The following LAMB3 variants were observed in gnomAD, a reference collection of about 807,000 sequenced individuals.
LAMB3 encodes the protein laminin subunit beta-3.
In LAMB3, 104 loss-of-function variants were observed where a neutral mutation model predicts 140.3. That is an observed-to-expected ratio of 0.74 (90% CI 0.63 to 0.87). The LOEUF is 0.87. Among genes scored for constraint, LAMB3 ranks in the 40% least tolerant of loss-of-function variants. The pLI is 0.00. For missense variants in LAMB3, 1,531 were observed against 1,575.2 expected (o/e 0.97, Z 0.47); for synonymous variants, 592 against 602.9 (o/e 0.98, Z 0.26).
Position 209,625,767 on chromosome 1 carries a change from G to C in LAMB3, c.1857C>G (p.Gly619=). The stretch of plus-strand genomic sequence containing the variant: ...TTGCATCTAGGATCCGGGAGGCCAG[G>C]CCACGGTCCTCCAGCCCAGGCCCTG... ...LWSGPGLEDR[G]LASRILDAKS... Residue 619 remains glycine, a synonymous_variant, in exon 14 of 23, where the codon GGC becomes GGG. Coordinates refer to ENST00000356082, the MANE Select transcript of LAMB3 (RefSeq NM_000228.3). 1.2e-6 allele frequency: 2 copies of C among 1,614,156 alleles called. No homozygotes were observed. Among genetic ancestry groups the C allele is most frequent in the Non-Finnish European group, 1.7e-6 (2 of 1,180,042 alleles).
At position 209,622,996 on chromosome 1, in the gene LAMB3, G is replaced by A. The variant is rs59260335; in HGVS notation, c.2542C>T (p.Arg848Trp). ...QLRGFNAQLQ[R>W]TRQMIRAAEE... Reference sequence around the variant, plus strand: ...GCTGCACTTACCATCTGCCTGGTCCGCTGGAGCTGGGCATTGAAGCCCCGC... The same window carrying A: ...GCTGCACTTACCATCTGCCTGGTCCACTGGAGCTGGGCATTGAAGCCCCGC... Residue 848 changes from arginine (R) to tryptophan (W), a missense_variant, in exon 17 of 23, where the codon CGG becomes TGG. Arg to Trp is a moderately radical substitution (Grantham distance 101). Coordinates refer to ENST00000356082, the MANE Select transcript of LAMB3 (RefSeq NM_000228.3). 2.2e-3 allele frequency: 3,469 copies of A among 1,613,282 alleles called. 63 individuals carry two copies. The African/African-American group carries it at 0.039, about 18-fold the overall frequency.
chr1:209,647,082 G>A (rs748544579), intron 3 of LAMB3, among the ~76,000 whole-genome samples: 8 of 152,380 alleles, frequency 5.3e-5, no homozygotes, highest in Non-Finnish European at 8.8e-5. Flanking sequence ...GGTCATCAAA[G>A]CAGATGAGCC....
At chr1:209,630,374 G>C (rs1666634589) in intron 9 of LAMB3, among the ~76,000 whole-genome samples, 1 of 152,162 alleles carries the variant, frequency 6.6e-6, no homozygotes, top group East Asian at 1.9e-4. Context: ...TCCTAAACAG[G>C]GTAAAGCAAC....
intron 19 of LAMB3, 152 bp downstream of exon 19, chr1:209,618,300 C>A (rs1404718536): frequency 3.3e-6 from 3 of 908,116 alleles, no homozygotes; most frequent in Non-Finnish European, 5.2e-6. Context: ...TTAAGTTTAA[C>A]CTGCACTCTG....
intron 3 of LAMB3, among the ~76,000 whole-genome samples, chr1:209,645,519 C>A (rs2076508905): frequency 6.6e-6 from 1 of 152,060 alleles, no homozygotes; most frequent in African/African-American, 2.4e-5. Flanking sequence ...AGTTCGAGAC[C>A]AGCCTGGCCA....
intron 9 of LAMB3, 175 bp downstream of exon 9, chr1:209,630,440 A>G (rs1261838680): frequency 1.3e-6 from 1 of 753,652 alleles, no homozygotes; most frequent in Non-Finnish European, 2.2e-6. Flanking sequence ...ATGTCACCCA[A>G]ATACTCTCTC....
At chr1:209,615,495 G>A in intron 22 of LAMB3, 88 bp from the exon 23 acceptor site, 2 of 1,452,156 alleles carry the variant, frequency 1.4e-6, no homozygotes, top group East Asian at 4.7e-5. Context: ...CTGCTAACTG[G>A]AGGTAGCATG....
intron 3 of LAMB3, among the ~76,000 whole-genome samples, chr1:209,646,258 C>T (rs2076517152): frequency 6.6e-6 from 1 of 152,214 alleles, no homozygotes; most frequent in Non-Finnish European, 1.5e-5. Flanking sequence ...GACCGAAGGG[C>T]ATGGTGCAGC....
rs1553280566 is a variant in LAMB3, at chr1:209,645,722, G to GAGAAAA, written c.183+4241_183+4242insTTTTCT. Among the ~76,000 whole-genome samples the GAGAAAA allele has an allele frequency of 8.8e-3, 1,214 of 137,414 alleles. 13 individuals are homozygous for GAGAAAA. The highest frequency in any genetic ancestry group is 0.014 in the Non-Finnish European group (886 of 63,016). 90.1% of individuals were successfully genotyped at this position (137,414 alleles called of 152,430 possible). A position where few individuals can be genotyped will look rare whatever the true frequency, so the allele number is the denominator to read the frequency against. On this transcript the variant is annotated intron_variant, in intron 3 of 22. Transcript: ENST00000356082. ...CAGAGCAAGACTCTGTGTCCCAGGG[G>GAGAAAA]AAAAAAAAAAAAAAAAGCAGATATT...
At chr1:209,618,682 C>A in intron 18 of LAMB3, 23 bp from the exon 19 acceptor site, 1 of 1,609,840 alleles carries the variant, frequency 6.2e-7, no homozygotes, top group Non-Finnish European at 8.5e-7. Flanking sequence ...ACGCATTTGA[C>A]TGTAGGAGCC....
At chr1:209,651,660 G>T (rs929774176) in intron 1 of LAMB3, among the ~76,000 whole-genome samples, 2 of 152,192 alleles carry the variant, frequency 1.3e-5, no homozygotes, top group African/African-American at 4.8e-5. Context: ...AGAGGGGTGG[G>T]GCTGGGAGGC....
Position 209,629,785 on chromosome 1 carries a change from A to G in LAMB3, c.1084T>C (p.Tyr362His). 6.2e-7 allele frequency: 1 copy of G among 1,614,020 alleles called. No homozygotes were observed. Among genetic ancestry groups the G allele is most frequent in the Non-Finnish European group, 8.5e-7 (1 of 1,180,034 alleles). The change falls in exon 10 of 23, where the codon TAT becomes CAT. Residue 362 changes from tyrosine (Y) to histidine (H), a missense_variant. Coordinates refer to ENST00000356082, the MANE Select transcript of LAMB3 (RefSeq NM_000228.3). Reference sequence around the variant, plus strand: ...GCTCCCGGGCGCCGGTTCCGGAAATAGTGCAGCTGACACCGCTCACAGTTC... The same window carrying G: ...GCTCCCGGGCGCCGGTTCCGGAAATGGTGCAGCTGACACCGCTCACAGTTC... ...GKNCERCQLHYFRNRRPGASI... is the reference protein window; with the variant it reads ...GKNCERCQLHHFRNRRPGASI...
rs771200889 is a variant in LAMB3 at position 209,626,076 on chromosome 1, G to A, written c.1598-50C>T. On this transcript the variant is annotated intron_variant, in intron 13 of 22. Coordinates refer to ENST00000356082, the MANE Select transcript of LAMB3 (RefSeq NM_000228.3). ...AGAGACAGGGGTCAGGGAGACAGAAGCAGCTGTCAGGGAGAGCCCTGAAGA... is the reference window on the plus strand; with the variant it reads ...AGAGACAGGGGTCAGGGAGACAGAAACAGCTGTCAGGGAGAGCCCTGAAGA... 6.5e-5 allele frequency: 103 copies of A among 1,595,382 alleles called. No individual in the cohort carries two copies. In the East Asian group the frequency reaches 1.4e-3, roughly 22 times the overall value.
At chr1:209,648,184 G>A (rs561407785) in intron 3 of LAMB3, among the ~76,000 whole-genome samples, 1 of 152,242 alleles carries the variant, frequency 6.6e-6, no homozygotes, top group South Asian at 2.1e-4. Flanking sequence ...GTGGAAGATG[G>A]GGGAGAGATG....
chr1:209,632,446 TTTGTTG>T, intron 8 of LAMB3, 131 bp downstream of exon 8: 2 of 650,622 alleles, frequency 3.1e-6, no homozygotes, highest in Non-Finnish European at 5.3e-6. Context: ...ACTTCGATTT[TTTGTTG>T]TTGCTGCTGA....
At position 209,615,197 on chromosome 1, in the gene LAMB3, A is replaced by G; in HGVS notation, c.*74T>C. On this transcript the variant is annotated 3_prime_UTR_variant, in exon 23 of 23. Transcript: ENST00000356082. The stretch of plus-strand genomic sequence containing the variant: ...TGAAAGTCTCCTGGAGATGGAAAGC[A>G]TTCCAACCCAATCTGCCCCCAACCA... 1.9e-6 allele frequency: 3 copies of G among 1,599,674 alleles called. No individual in the cohort carries two copies. The highest frequency in any genetic ancestry group is 2.6e-6 in the Non-Finnish European group (3 of 1,169,656).
intron 18 of LAMB3, chr1:209,618,921 GTGTC>G (rs749117728): frequency 5.4e-4 from 297 of 546,680 alleles, no homozygotes; most frequent in Non-Finnish European, 7.0e-4. Context: ...TGCCAACTAA[GTGTC>G]TGGTGCCACA....
At chr1:209,621,510 G>A (rs567167774) in intron 18 of LAMB3, among the ~76,000 whole-genome samples, 13 of 152,322 alleles carry the variant, frequency 8.5e-5, no homozygotes, top group African/African-American at 2.6e-4. Flanking sequence ...CCCTGGGCTC[G>A]TATTAACTGG....
intron 3 of LAMB3, among the ~76,000 whole-genome samples, chr1:209,641,630 C>T (rs943793133): frequency 2.6e-5 from 4 of 152,174 alleles, no homozygotes; most frequent in Admixed American, 6.5e-5. Flanking sequence ...CTTGGTCTGA[C>T]CTTGAAGCTT....
Sources: gnomAD v4.1 joint callset for allele counts (sites outside exome capture counted in the v4.1 genomes callset) on GRCh38, gnomAD v4.1.1 for gene constraint, MANE v1.5 for transcripts, NCBI Gene and HGNC (gene_info 2026-07-23, HGNC 2026-07-21) for gene names.